Variants in THRB observed in about 807,000 individuals in gnomAD.
The protein encoded by THRB is thyroid hormone receptor beta.
Under a neutral mutation model 47.8 loss-of-function variants are expected in THRB, and 12 were observed. That is an observed-to-expected ratio of 0.25 (90% confidence interval 0.16 to 0.41). The LOEUF (loss-of-function observed/expected upper bound fraction) is 0.41, where lower values mean the gene tolerates loss of function less well. Ranked by LOEUF, THRB falls within the 10% of genes least tolerant of loss-of-function variation. The probability of loss-of-function intolerance (pLI) is 1.00; values close to 1 mark genes in which losing one functional copy is unlikely to be tolerated. For missense variants in THRB, 348 were observed against 589.2 expected (o/e 0.59, Z 4.24); for synonymous variants, 218 against 212.2 (o/e 1.03, Z -0.24).
intron 1 of THRB, among the ~76,000 whole-genome samples, chr3:24,417,120 AC>A (rs2068808639): frequency 6.6e-6 from 1 of 151,202 alleles, no homozygotes; most frequent in Non-Finnish European, 1.5e-5. Context: ...ACACACACAC[AC>A]ACACACACAC....
intron 3 of THRB, among the ~76,000 whole-genome samples, chr3:24,291,451 C>T (rs567128548): frequency 4.6e-5 from 7 of 151,886 alleles, no homozygotes; most frequent in African/African-American, 1.7e-4. Context: ...TCTAGGACCT[C>T]CCTTGGACAC....
chr3:24,314,505 G>C (rs1394767), intron 2 of THRB, among the ~76,000 whole-genome samples: 40,867 of 152,082 alleles, frequency 0.27, 6,472 homozygotes, highest in East Asian at 0.47. Flanking sequence ...TGTATTTTCT[G>C]AGGAGAGGTC....
rs377563419 is a variant in THRB, at chr3:24,464,021, C to A, written c.-261+30631G>T. Among the ~76,000 whole-genome samples, 8 of 152,168 alleles carry A rather than the reference C, an allele frequency of 5.3e-5. No individual in the cohort carries two copies. The South Asian group carries it at 8.3e-4, about 16-fold the overall frequency. On this transcript the variant is annotated intron_variant, in intron 1 of 10. Transcript: ENST00000646209. ...CAGCACTTTGGGAGGCCGAGGTGGG[C>A]GGATCACGAGGTCAGGAGATCGAAA...
chr3:24,230,945 A>G (rs2048201981), intron 3 of THRB, among the ~76,000 whole-genome samples: 2 of 152,176 alleles, frequency 1.3e-5, no homozygotes, highest in Non-Finnish European at 2.9e-5. Flanking sequence ...GCCACCTGGA[A>G]AAAGTCCATT....
At chr3:24,291,319 G>C (rs991161328) in intron 3 of THRB, among the ~76,000 whole-genome samples, 2 of 152,134 alleles carry the variant, frequency 1.3e-5, no homozygotes, top group Non-Finnish European at 2.9e-5. Context: ...ATGACACAGG[G>C]CTCTGCCTAG....
At chr3:24,296,479 T>A (rs909058200) in intron 3 of THRB, among the ~76,000 whole-genome samples, 1 of 152,252 alleles carries the variant, frequency 6.6e-6, no homozygotes, top group Non-Finnish European at 1.5e-5. Flanking sequence ...ACCCCTACTA[T>A]GTGCCAAGGC....
At chr3:24,372,610 A>T (rs1319914986) in intron 1 of THRB, among the ~76,000 whole-genome samples, 1 of 152,098 alleles carries the variant, frequency 6.6e-6, no homozygotes, top group East Asian at 1.9e-4. Flanking sequence ...TTACATAGGG[A>T]TGAGTCGGAG....
chr3:24,199,138 A>G (rs2044306190), intron 4 of THRB, among the ~76,000 whole-genome samples: 1 of 152,164 alleles, frequency 6.6e-6, no homozygotes, highest in African/African-American at 2.4e-5. Flanking sequence ...TATTTTATCT[A>G]ACTCAGATAA....
At chr3:24,393,278 G>A (rs927750218) in intron 1 of THRB, among the ~76,000 whole-genome samples, 15 of 152,132 alleles carry the variant, frequency 9.9e-5, no homozygotes, top group African/African-American at 2.7e-4. Context: ...TAAGACGACT[G>A]AATACCCACT....
intron 1 of THRB, among the ~76,000 whole-genome samples, chr3:24,379,905 C>T (rs1334036472): frequency 2.6e-5 from 4 of 151,620 alleles, no homozygotes; most frequent in Non-Finnish European, 5.9e-5. Flanking sequence ...TGGGACCTAC[C>T]TCTTACTCTC....
At chr3:24,250,600 C>A (rs1290710422) in intron 3 of THRB, among the ~76,000 whole-genome samples, 1 of 152,114 alleles carries the variant, frequency 6.6e-6, no homozygotes, top group Non-Finnish European at 1.5e-5. Context: ...ACAGGAGAGA[C>A]TAAGGTGAGA....
At chr3:24,328,861 T>C (rs1228212311) in intron 2 of THRB, among the ~76,000 whole-genome samples, 3 of 152,240 alleles carry the variant, frequency 2.0e-5, no homozygotes, top group Admixed American at 6.5e-5. Flanking sequence ...TCCCTACTGC[T>C]ATCAGATTAA....
In THRB at chr3:24,122,589, C is replaced by T. The variant is rs957003958; in HGVS notation, c.*295G>A. On this transcript the variant is annotated 3_prime_UTR_variant, in exon 11 of 11. Transcript: ENST00000646209. ...GCTGACTCAAGTCTTGGACCAGGGACGGGTGGGAGCTGGTGATGCTTGGTG... is the reference window on the plus strand; with the variant it reads ...GCTGACTCAAGTCTTGGACCAGGGATGGGTGGGAGCTGGTGATGCTTGGTG... 3.6e-5 allele frequency: 16 copies of T among 440,624 alleles called. No individual in the cohort carries two copies. The highest frequency in any genetic ancestry group is 1.4e-4 in the African/African-American group (7 of 50,072). The allele number at this position is 440,624 out of a possible 1,614,324, so 27.3% of individuals were successfully genotyped here. A position where few individuals can be genotyped will look rare whatever the true frequency, so the allele number is the denominator to read the frequency against.
intron 5 of THRB, among the ~76,000 whole-genome samples, chr3:24,171,133 G>T (rs372586447): frequency 1.3e-5 from 2 of 152,176 alleles, no homozygotes; most frequent in Non-Finnish European, 2.9e-5. Flanking sequence ...TACTCAAATT[G>T]AGGAAAGTTT....
At chr3:24,442,042 T>A (rs556109434) in intron 1 of THRB, among the ~76,000 whole-genome samples, 1 of 152,260 alleles carries the variant, frequency 6.6e-6, no homozygotes, top group East Asian at 1.9e-4. Flanking sequence ...CTAAATTTTT[T>A]TTTTCTTTAA....
At chr3:24,292,330 T>C (rs1301381907) in intron 3 of THRB, among the ~76,000 whole-genome samples, 1 of 152,222 alleles carries the variant, frequency 6.6e-6, no homozygotes, top group Non-Finnish European at 1.5e-5. Context: ...TAAACATGGA[T>C]TGCTTTTACT....
chr3:24,127,627 C>T lies in THRB; in HGVS notation c.1016G>A (p.Gly339Asp), dbSNP rs2033112307. ...TLNGEMAVTRGQLKNGGLGVV... is the reference protein window; with the variant it reads ...TLNGEMAVTRDQLKNGGLGVV... Reference sequence around the variant, plus strand: ...CCCAAGACCCCCATTTTTCAGCTGGCCCCGTGTCACTGCCATTTCCCCATT... The same window carrying T: ...CCCAAGACCCCCATTTTTCAGCTGGTCCCGTGTCACTGCCATTTCCCCATT... The change falls in exon 10 of 11, where the codon GGC becomes GAC. Residue 339 changes from glycine to aspartate, a missense_variant. This residue lies in a region of THRB where 45 missense variants were observed against 156.2 expected (regional missense o/e 0.29). Transcript: ENST00000646209. The T allele has an allele frequency of 6.2e-7, 1 of 1,614,168 alleles. No individual in the cohort carries two copies.
intron 4 of THRB, among the ~76,000 whole-genome samples, chr3:24,204,140 G>C (rs2044975911): frequency 6.6e-6 from 1 of 152,258 alleles, no homozygotes; most frequent in Non-Finnish European, 1.5e-5. Flanking sequence ...GTCCCTGACA[G>C]CTTTGAAGAG....
At chr3:24,284,991 A>G (rs1437716330) in intron 3 of THRB, among the ~76,000 whole-genome samples, 1 of 152,140 alleles carries the variant, frequency 6.6e-6, no homozygotes, top group African/African-American at 2.4e-5. Context: ...GTGGGACTGT[A>G]AACTAGTTCA....
Sources: gnomAD v4.1 joint callset for allele counts (sites outside exome capture counted in the v4.1 genomes callset) on GRCh38, gnomAD v4.1.1 for gene constraint, gnomAD v4.1.1 regional missense constraint, MANE v1.5 for transcripts, NCBI Gene and HGNC (gene_info 2026-07-23, HGNC 2026-07-21) for gene names.